Variants in NRXN1 observed in about 807,000 individuals in gnomAD.
The protein encoded by NRXN1 is neurexin-1.
A neutral mutation model predicts 150.9 loss-of-function variants in NRXN1; 39 were observed. That is an observed-to-expected ratio of 0.26 (90% CI 0.20 to 0.34). The LOEUF is 0.34. Ranked by LOEUF, NRXN1 falls within the 10% of genes least tolerant of loss-of-function variation. The probability of loss-of-function intolerance (pLI) is 1.00; values close to 1 mark genes in which losing one functional copy is unlikely to be tolerated. For missense variants in NRXN1, 1,815 were observed against 1,949.9 expected, an observed-to-expected ratio of 0.93 and a Z score of 1.30; for synonymous variants, 924 against 757.0, an observed-to-expected ratio of 1.22 and a Z score of -3.62.
intron 5 of NRXN1, among the ~76,000 whole-genome samples, chr2:50,914,266 T>C (rs1034998392): frequency 1.3e-5 from 2 of 151,708 alleles, no homozygotes; most frequent in African/African-American, 4.8e-5. Flanking sequence ...GCCTACTTGA[T>C]GATCTCGGAA....
At chr2:50,778,099 A>C (rs890502525) in intron 5 of NRXN1, among the ~76,000 whole-genome samples, 6 of 152,084 alleles carry the variant, frequency 3.9e-5, no homozygotes, top group African/African-American at 1.4e-4. Context: ...TCAGCTTCAG[A>C]GATACAGTCA....
chr2:50,281,157 A>C (rs2071396964), intron 17 of NRXN1, among the ~76,000 whole-genome samples: 1 of 150,356 alleles, frequency 6.7e-6, no homozygotes, highest in Non-Finnish European at 1.5e-5. Context: ...ACAAAAAAAA[A>C]AAAAAAAAAA....
chr2:50,553,144 T>C (rs1667769907), intron 8 of NRXN1, 119 bp from the exon 9 acceptor site: 3 of 750,780 alleles, frequency 4.0e-6, no homozygotes, highest in Non-Finnish European at 6.5e-6. Context: ...TAGTTAATTT[T>C]GTTGTATAAA....
chr2:50,371,599 G>A (rs1357310217), intron 17 of NRXN1, among the ~76,000 whole-genome samples: 1 of 151,874 alleles, frequency 6.6e-6, no homozygotes, highest in Non-Finnish European at 1.5e-5. Flanking sequence ...TTTATCCTGG[G>A]ATCTACGAAT....
At chr2:50,500,347 TA>T (rs200956406) in intron 13 of NRXN1, among the ~76,000 whole-genome samples, 213 of 148,650 alleles carry the variant, frequency 1.4e-3, no homozygotes, top group African/African-American at 3.2e-3. Context: ...AGTTACAAGA[TA>T]AAAAAAAAAT....
At chr2:50,161,065 G>A (rs1484509490) in intron 18 of NRXN1, among the ~76,000 whole-genome samples, 1 of 152,014 alleles carries the variant, frequency 6.6e-6, no homozygotes, top group East Asian at 1.9e-4. Context: ...TGATATTTCT[G>A]TTTTCAATTT....
chr2:50,392,830 C>A (rs891540767), intron 17 of NRXN1, among the ~76,000 whole-genome samples: 18 of 152,054 alleles, frequency 1.2e-4, no homozygotes, highest in Admixed American at 8.5e-4. Context: ...GTATTAAAAG[C>A]AAAATGAGCT....
chr2:50,895,564 G>A (rs1166884193), intron 5 of NRXN1, among the ~76,000 whole-genome samples: 1 of 146,720 alleles, frequency 6.8e-6, no homozygotes, highest in East Asian at 2.0e-4. Context: ...TGTTTTTTTT[G>A]GTTGTTTTTT....
At chr2:50,863,796 T>A (rs755684252) in intron 5 of NRXN1, among the ~76,000 whole-genome samples, 1 of 151,992 alleles carries the variant, frequency 6.6e-6, no homozygotes, top group Non-Finnish European at 1.5e-5. Flanking sequence ...TAGTCAGACA[T>A]TAAAAAACTG....
chr2:50,203,125 C>T (rs942263606), intron 18 of NRXN1, among the ~76,000 whole-genome samples: 23 of 152,108 alleles, frequency 1.5e-4, no homozygotes, highest in African/African-American at 5.6e-4. Flanking sequence ...AGCTAGCAAA[C>T]CTATTGCCAG....
intron 17 of NRXN1, among the ~76,000 whole-genome samples, chr2:50,450,884 G>C (rs1330231693): frequency 1.3e-5 from 2 of 152,198 alleles, no homozygotes; most frequent in Non-Finnish European, 2.9e-5. Flanking sequence ...CTCATGAAAA[G>C]TTACTTTCAC....
At chr2:50,610,721 T>C (rs1172427353) in intron 8 of NRXN1, among the ~76,000 whole-genome samples, 11 of 126,032 alleles carry the variant, frequency 8.7e-5, no homozygotes, top group African/African-American at 2.6e-4. Context: ...CCATATACTA[T>C]AGTCATTACT....
chr2:50,420,650 G>A (rs2083911739), intron 17 of NRXN1, among the ~76,000 whole-genome samples: 1 of 151,942 alleles, frequency 6.6e-6, no homozygotes, highest in Admixed American at 6.6e-5. Context: ...GTACCTTAAG[G>A]ATGAGGTTCT....
At chr2:50,348,612 A>G (rs2078209814) in intron 17 of NRXN1, among the ~76,000 whole-genome samples, 2 of 152,192 alleles carry the variant, frequency 1.3e-5, no homozygotes, top group South Asian at 2.1e-4. Flanking sequence ...GGACATTTAT[A>G]TGCTTTTGAT....
At chr2:50,961,470 A>G (rs981731244) in intron 2 of NRXN1, among the ~76,000 whole-genome samples, 1 of 151,966 alleles carries the variant, frequency 6.6e-6, no homozygotes, top group East Asian at 1.9e-4. Flanking sequence ...ATAGATGTTG[A>G]TCTAATCATA....
chr2:50,698,833 A>T (rs1205045222), intron 5 of NRXN1, among the ~76,000 whole-genome samples: 2 of 152,164 alleles, frequency 1.3e-5, no homozygotes, highest in Admixed American at 6.6e-5. Flanking sequence ...ATTGTTTATG[A>T]AATGTCTGTC....
chr2:50,970,112 A>G (rs947644997), intron 2 of NRXN1, among the ~76,000 whole-genome samples: 2 of 152,170 alleles, frequency 1.3e-5, no homozygotes, highest in South Asian at 2.1e-4. Flanking sequence ...AAGGTATATC[A>G]GATAATTTCT....
chr2:50,125,313 A>G (rs977111486), intron 18 of NRXN1, among the ~76,000 whole-genome samples: 2 of 152,068 alleles, frequency 1.3e-5, no homozygotes, highest in African/African-American at 4.8e-5. Flanking sequence ...TACAATCTAT[A>G]TAATCTTTGT....
intron 5 of NRXN1, among the ~76,000 whole-genome samples, chr2:50,680,861 T>C (rs1690277423): frequency 6.6e-6 from 1 of 152,096 alleles, no homozygotes; most frequent in Non-Finnish European, 1.5e-5. Context: ...GCATTTACAG[T>C]AAAATGACAC....
Sources: gnomAD v4.1 joint callset for allele counts (sites outside exome capture counted in the v4.1 genomes callset) on GRCh38, gnomAD v4.1.1 for gene constraint, MANE v1.5 for transcripts, NCBI Gene and HGNC (gene_info 2026-07-23, HGNC 2026-07-21) for gene names.